Variants in ANXA5 observed in about 807,000 individuals in gnomAD.
ANXA5 encodes CBP-I.
ANXA5 carries 40 observed loss-of-function variants against 48.1 expected under a neutral mutation model. The observed-to-expected ratio is 0.83, with a 90% CI of 0.65 to 1.08. ANXA5 has a LOEUF of 1.08. Among genes scored for constraint, ANXA5 ranks in the 50% least tolerant of loss-of-function variants. ANXA5 has a pLI of 0.00. For synonymous variants in ANXA5, 113 were observed against 129.1 expected, an observed-to-expected ratio of 0.88 and a Z score of 0.85; for missense variants, 357 against 376.8, an observed-to-expected ratio of 0.95 and a Z score of 0.44.
Position 121,686,389 on chromosome 4 carries a change from A to T in ANXA5, c.10-17T>A. On this transcript the variant is annotated splice_polypyrimidine_tract_variant and intron_variant, in intron 2 of 12. Transcript: ENST00000296511. ...TCTGAGAACCTAATTCACGAAACAC[A>T]GTGGTATTATTCATATCATGACTAA... 1 of 1,594,912 alleles carries T rather than the reference A, an allele frequency of 6.3e-7. No homozygotes were observed. The highest frequency in any genetic ancestry group is 8.6e-7 in the Non-Finnish European group (1 of 1,162,614).
intron 6 of ANXA5, among the ~76,000 whole-genome samples, chr4:121,679,262 T>C (rs1724750795): frequency 6.6e-6 from 1 of 152,234 alleles, no homozygotes; most frequent in Non-Finnish European, 1.5e-5. Context: ...TAGGAATCTT[T>C]AATTCTTTCT....
rs542867028 is a variant in ANXA5 at position 121,696,600 on chromosome 4, C to G, written c.-11G>C. ...CCTTACCTGTGCCATGGCGACTACT[C>G]AGGTCAGGGGAAGGTGAAGCAGGAC... On this transcript the variant is annotated 5_prime_UTR_variant, in exon 2 of 13. Coordinates refer to ENST00000296511, the MANE Select transcript of ANXA5 (RefSeq NM_001154.4). 6.3e-6 allele frequency: 9 copies of G among 1,431,464 alleles called. No homozygotes were observed. Among genetic ancestry groups the G allele is most frequent in the African/African-American group, 2.9e-5 (2 of 68,338 alleles). The allele number at this position is 1,431,464 out of a possible 1,614,324, so 88.7% of individuals were successfully genotyped here.
At chr4:121,684,605 A>G (rs1186089312) in intron 4 of ANXA5, 72 bp downstream of exon 4, 1 of 1,215,850 alleles carries the variant, frequency 8.2e-7, no homozygotes, top group South Asian at 1.3e-5. Context: ...AAAGAATATC[A>G]GTATATTCCA....
intron 2 of ANXA5, among the ~76,000 whole-genome samples, chr4:121,696,315 A>G (rs540758787): frequency 1.3e-5 from 2 of 152,192 alleles, no homozygotes; most frequent in South Asian, 4.1e-4. Context: ...GAGCGCACAC[A>G]AATCCGGCCA....
Position 121,673,396 on chromosome 4 carries a change from C to T in ANXA5, c.532-770G>A, listed in dbSNP as rs868146946. Among the ~76,000 whole-genome samples the T allele has an allele frequency of 2.6e-5, 4 of 152,208 alleles. No individual in the cohort carries two copies. The East Asian group carries it at 7.7e-4, about 29-fold the overall frequency. On this transcript the variant is annotated intron_variant, in intron 8 of 12. Transcript: ENST00000296511. ...AGAATCAACCTTTACAATGACTGTA[C>T]TATCCTTTTATTCATTTCAAACTAA...
intron 8 of ANXA5, among the ~76,000 whole-genome samples, chr4:121,674,944 C>G (rs1354746325): frequency 5.9e-5 from 9 of 152,152 alleles, no homozygotes; most frequent in Non-Finnish European, 1.5e-5. Flanking sequence ...CTCAGATGAA[C>G]TACTTAATCT....
At chr4:121,673,962 G>A (rs1367837146) in intron 8 of ANXA5, among the ~76,000 whole-genome samples, 1 of 151,764 alleles carries the variant, frequency 6.6e-6, no homozygotes, top group South Asian at 2.1e-4. Context: ...CAGGTGGATC[G>A]CTTGAGCCCA....
chr4:121,694,104 GGGGGGA>G lies in ANXA5; in HGVS notation c.9+2471_9+2476del, dbSNP rs562157139. ...CCCACACCGGGGCCTATTGTGGGCG[GGGGGGA>G]GGGGGGAGGGATAGCATTAGGAGAT... is the stretch of plus-strand genomic sequence containing the variant. On this transcript the variant is annotated intron_variant, in intron 2 of 12. Transcript: ENST00000296511. Among the ~76,000 whole-genome samples the G allele has an allele frequency of 1.1e-4, 9 of 81,534 alleles. No homozygotes were observed. The South Asian group carries it at 1.9e-3, about 17-fold the overall frequency. The allele number at this position is 81,534 out of a possible 152,430, so 53.5% of individuals were successfully genotyped here.
intron 2 of ANXA5, 57 bp downstream of exon 2, chr4:121,696,524 G>A: frequency 7.6e-7 from 1 of 1,321,874 alleles, no homozygotes; most frequent in Non-Finnish European, 9.8e-7. Context: ...AAAGTCCCTC[G>A]TCGCAGCATA....
chr4:121,686,413 A>C (rs1285378253), intron 2 of ANXA5, 41 bp from the exon 3 acceptor site: 1 of 1,430,888 alleles, frequency 7.0e-7, no homozygotes, highest in African/African-American at 1.4e-5. Flanking sequence ...TATCATGACT[A>C]ATATGACAAA....
chr4:121,691,000 T>G (rs990736734), intron 2 of ANXA5, among the ~76,000 whole-genome samples: 18 of 152,148 alleles, frequency 1.2e-4, no homozygotes, highest in African/African-American at 4.3e-4. Flanking sequence ...TGTCTGCAAA[T>G]GTGACTTTAA....
chr4:121,696,699 G>T, intron 1 of ANXA5, 75 bp from the exon 2 acceptor site: 1 of 1,068,600 alleles, frequency 9.4e-7, no homozygotes, highest in Non-Finnish European at 1.2e-6. Context: ...GGTCCGCGGG[G>T]ACCCGGCGGC....
chr4:121,693,178 G>A (rs958312557), intron 2 of ANXA5, among the ~76,000 whole-genome samples: 2 of 151,844 alleles, frequency 1.3e-5, no homozygotes, highest in African/African-American at 4.8e-5. Flanking sequence ...AGGTTGCAGT[G>A]AGCTGAGATC....
intron 3 of ANXA5, among the ~76,000 whole-genome samples, chr4:121,684,972 G>A (rs1055864434): frequency 2.7e-5 from 4 of 150,096 alleles, no homozygotes; most frequent in African/African-American, 9.8e-5. Context: ...TTGAGGCCAG[G>A]AGTTCAAGAC....
chr4:121,681,852 G>C, intron 5 of ANXA5, 91 bp from the exon 6 acceptor site: 1 of 803,998 alleles, frequency 1.2e-6, no homozygotes, highest in East Asian at 2.6e-5. Context: ...AAATTGCATA[G>C]TTATATAAAT....
intron 1 of ANXA5, 95 bp downstream of exon 1, chr4:121,696,768 G>A (rs1482439134): frequency 2.3e-6 from 1 of 433,786 alleles, no homozygotes; most frequent in Non-Finnish European, 4.0e-6. Flanking sequence ...CAGCTACCGG[G>A]ACAGCTCTCG....
At chr4:121,671,707 A>C (rs1724616183) in intron 9 of ANXA5, 65 bp from the exon 10 acceptor site, 1 of 1,142,590 alleles carries the variant, frequency 8.8e-7, no homozygotes, top group Non-Finnish European at 1.3e-6. Flanking sequence ...GATGGTATTT[A>C]CTTTGATTAG....
At chr4:121,676,675 G>A (rs1177063683) in intron 8 of ANXA5, among the ~76,000 whole-genome samples, 1 of 144,600 alleles carries the variant, frequency 6.9e-6, no homozygotes, top group African/African-American at 2.5e-5. Context: ...CAGGAAGCCT[G>A]GGGGCGGGGG....
At chr4:121,691,110 C>T (rs1053269687) in intron 2 of ANXA5, among the ~76,000 whole-genome samples, 1 of 152,210 alleles carries the variant, frequency 6.6e-6, no homozygotes, top group African/African-American at 2.4e-5. Context: ...CACCCATTCA[C>T]CCATCCTCAG....
Sources: allele counts gnomAD v4.1 joint callset (sites outside exome capture counted in the v4.1 genomes callset), GRCh38; gene constraint gnomAD v4.1.1; transcripts MANE v1.5; gene names NCBI Gene and HGNC (gene_info 2026-07-23, HGNC 2026-07-21).